FGD6: variants seen among roughly 807,000 people sequenced by gnomAD.
FGD6 encodes the protein FYVE, RhoGEF and PH domain containing 6.
Under a neutral mutation model 149.4 loss-of-function variants are expected in FGD6, and 90 were observed. That is an observed-to-expected ratio of 0.60 (90% CI 0.51 to 0.72). The LOEUF is 0.72. Ranked by LOEUF, FGD6 falls within the 30% of genes least tolerant of loss-of-function variation. The pLI is 0.00. For synonymous variants in FGD6, 527 were observed against 584.0 expected, an observed-to-expected ratio of 0.90 and a Z score of 1.41; for missense variants, 1,437 against 1,684.8, an observed-to-expected ratio of 0.85 and a Z score of 2.57.
chr12:95,097,324 C>G (rs757594084), intron 14 of FGD6, among the ~76,000 whole-genome samples: 7 of 152,128 alleles, frequency 4.6e-5, no homozygotes, highest in Non-Finnish European at 7.4e-5. Flanking sequence ...TTCCCAATGA[C>G]TGGGATGAAT....
chr12:95,198,081 T>C (rs1267980855), intron 2 of FGD6, among the ~76,000 whole-genome samples: 1 of 152,152 alleles, frequency 6.6e-6, no homozygotes, highest in Non-Finnish European at 1.5e-5. Context: ...AAGACAGAAA[T>C]AGTTTGTCCC....
At chr12:95,204,011 A>C (rs1592876144) in intron 2 of FGD6, among the ~76,000 whole-genome samples, 2 of 152,350 alleles carry the variant, frequency 1.3e-5, no homozygotes, top group African/African-American at 4.8e-5. Flanking sequence ...CCATCACCTG[A>C]ATATCAATAA....
intron 2 of FGD6, among the ~76,000 whole-genome samples, chr12:95,208,587 T>C (rs17271191): frequency 0.03 from 4,620 of 152,318 alleles, 100 homozygotes; most frequent in Non-Finnish European, 0.047. Context: ...CACGCCTTCC[T>C]TGCAGCAGCA....
At chr12:95,117,808 C>T (rs1879063548) in intron 8 of FGD6, among the ~76,000 whole-genome samples, 1 of 152,126 alleles carries the variant, frequency 6.6e-6, no homozygotes, top group South Asian at 2.1e-4. Flanking sequence ...CTTTGGGAGG[C>T]CGAGGTGGGC....
In FGD6 at chr12:95,146,997, T is replaced by A. The variant is rs918905078; in HGVS notation, c.2686-5458A>T. On this transcript the variant is annotated intron_variant, in intron 5 of 20. Coordinates refer to ENST00000343958, the MANE Select transcript of FGD6 (RefSeq NM_018351.4). The stretch of plus-strand genomic sequence containing the variant: ...ACCAATGAGGGGTATGTGACTTAAT[T>A]ACCAGCTGTCCTGACCCAGCTGCCT... Among the ~76,000 whole-genome samples the A allele has an allele frequency of 2.0e-5, 3 of 152,104 alleles. No homozygotes were observed. The South Asian group carries it at 6.2e-4, about 32-fold the overall frequency.
At chr12:95,109,116 C>T (rs61938200) in intron 9 of FGD6, among the ~76,000 whole-genome samples, 2,041 of 152,284 alleles carry the variant, frequency 0.013, 31 homozygotes, top group South Asian at 0.048. Context: ...TAGGAATTTG[C>T]AAGTGTCATT....
rs779641411 is a variant in FGD6 at position 95,104,982 on chromosome 12, AAAAAAAG to A, written c.3497+18_3497+24del. 17 of 1,568,660 alleles carry A rather than the reference AAAAAAAG, an allele frequency of 1.1e-5. No individual in the cohort carries two copies. Among genetic ancestry groups the A allele is most frequent in the Admixed American group, 2.1e-5 (1 of 47,404 alleles). On this transcript the variant is annotated intron_variant, in intron 14 of 20. Transcript: ENST00000343958. Reference sequence around the variant, plus strand: ...CAGACTCAGAATGAGAAAAAAAAAAAAAAAAAGAAGAAGAAAAAATTTACCTGGCTGA... The same window carrying A: ...CAGACTCAGAATGAGAAAAAAAAAAAAAGAAGAAAAAATTTACCTGGCTGA...
chr12:95,145,249 A>G (rs1218147972), intron 5 of FGD6, among the ~76,000 whole-genome samples: 1 of 152,108 alleles, frequency 6.6e-6, no homozygotes, highest in Non-Finnish European at 1.5e-5. Flanking sequence ...TCAGCTTCCC[A>G]AAGTGTTGGG....
At chr12:95,212,424 G>A (rs1208146867) in intron 1 of FGD6, among the ~76,000 whole-genome samples, 5 of 152,102 alleles carry the variant, frequency 3.3e-5, no homozygotes, top group Non-Finnish European at 5.9e-5. Flanking sequence ...GTACAGATCT[G>A]CTCCTATACT....
intron 2 of FGD6, among the ~76,000 whole-genome samples, chr12:95,180,776 G>A (rs927740585): frequency 3.3e-5 from 5 of 151,586 alleles, no homozygotes; most frequent in Admixed American, 2.0e-4. Flanking sequence ...CCACCCCCCC[G>A]ACACACACAG....
intron 8 of FGD6, among the ~76,000 whole-genome samples, chr12:95,133,941 C>T (rs1053820202): frequency 6.6e-6 from 1 of 152,158 alleles, no homozygotes; most frequent in Non-Finnish European, 1.5e-5. Context: ...TTCCTTCACT[C>T]AAACACAGTG....
chr12:95,103,783 C>T (rs908957973), intron 14 of FGD6, among the ~76,000 whole-genome samples: 3 of 152,160 alleles, frequency 2.0e-5, no homozygotes, highest in Non-Finnish European at 2.9e-5. Flanking sequence ...GTGATCCACC[C>T]GCCTTGGCCT....
intron 2 of FGD6, among the ~76,000 whole-genome samples, chr12:95,206,318 A>T (rs1181202738): frequency 2.5e-5 from 3 of 120,928 alleles, no homozygotes; most frequent in South Asian, 2.9e-4. Context: ...AAGCATGTTT[A>T]AAAAAAAAAA....
chr12:95,134,233 G>A (rs901748621), intron 8 of FGD6, among the ~76,000 whole-genome samples: 1 of 152,062 alleles, frequency 6.6e-6, no homozygotes, highest in African/African-American at 2.4e-5. Flanking sequence ...CAGTAGCTGG[G>A]ACTACAGGCG....
intron 17 of FGD6, among the ~76,000 whole-genome samples, chr12:95,090,824 G>A (rs1234120912): frequency 1.3e-5 from 2 of 152,280 alleles, no homozygotes; most frequent in East Asian, 1.9e-4. Flanking sequence ...CTGGCCAGGC[G>A]TGGTGCCTTA....
intron 1 of FGD6, among the ~76,000 whole-genome samples, chr12:95,216,730 A>AGG (rs1938854477): frequency 6.6e-6 from 1 of 151,040 alleles, no homozygotes; most frequent in Non-Finnish European, 1.5e-5. Flanking sequence ...CAGGTAACAG[A>AGG]GGTAAAACCA....
chr12:95,109,160 C>T (rs141083828), intron 9 of FGD6, among the ~76,000 whole-genome samples: 141 of 150,938 alleles, frequency 9.3e-4, no homozygotes, highest in African/African-American at 3.2e-3. Flanking sequence ...ATGGGCCTAT[C>T]TGTGTTTTAT....
intron 2 of FGD6, among the ~76,000 whole-genome samples, chr12:95,186,436 G>A (rs1294622941): frequency 6.8e-6 from 1 of 147,228 alleles, no homozygotes; most frequent in East Asian, 2.0e-4. Flanking sequence ...GACCTTAAGT[G>A]ATCCTCCTGC....
chr12:95,087,559 G>A (rs191172260), intron 18 of FGD6, among the ~76,000 whole-genome samples: 5 of 152,322 alleles, frequency 3.3e-5, no homozygotes, highest in Admixed American at 3.3e-4. Context: ...ATTCCCAGAT[G>A]AGCCTCTAGA....
Sources: gnomAD v4.1 joint callset for allele counts (sites outside exome capture counted in the v4.1 genomes callset) on GRCh38, gnomAD v4.1.1 for gene constraint, MANE v1.5 for transcripts, NCBI Gene and HGNC (gene_info 2026-07-23, HGNC 2026-07-21) for gene names.